IL1RAPL1: variants seen among roughly 807,000 people sequenced by gnomAD.
IL1RAPL1 encodes the protein interleukin 1 receptor accessory protein like 1.
Under a neutral mutation model 48.4 loss-of-function variants are expected in IL1RAPL1, and 3 were observed. That is an observed-to-expected ratio of 0.06 (90% confidence interval 0.03 to 0.16). IL1RAPL1 has a LOEUF of 0.16. Among genes scored for constraint, IL1RAPL1 ranks in the 10% least tolerant of loss-of-function variants. The probability of loss-of-function intolerance (pLI) is 1.00; values close to 1 mark genes in which losing one functional copy is unlikely to be tolerated. For missense variants in IL1RAPL1, 349 were observed against 530.6 expected (o/e 0.66, Z 3.36); for synonymous variants, 185 against 187.7 (o/e 0.99, Z 0.12).
chrX:29,766,360 TATAG>T (rs1221637035), intron 6 of IL1RAPL1, among the ~76,000 whole-genome samples: 1,592 of 72,725 alleles, frequency 0.022, 151 homozygotes, highest in African/African-American at 0.087. Flanking sequence ...TATATATATA[TATAG>T]ATAGATAGAT....
chrX:29,867,365 T>A (rs1043189861), intron 6 of IL1RAPL1, among the ~76,000 whole-genome samples: 1 of 111,476 alleles, frequency 9.0e-6, no homozygotes, highest in African/African-American at 3.3e-5. Flanking sequence ...ACGGGGCCTT[T>A]TGGAGGTGAT....
At chrX:29,371,645 A>G (rs764913163) in intron 3 of IL1RAPL1, among the ~76,000 whole-genome samples, 1 of 111,410 alleles carries the variant, frequency 9.0e-6, no homozygotes, top group African/African-American at 3.3e-5. Flanking sequence ...GTTTATGTCC[A>G]TGAGTGCTCA....
chrX:29,345,071 C>T (rs758940456), intron 3 of IL1RAPL1, among the ~76,000 whole-genome samples: 2 of 112,566 alleles, frequency 1.8e-5, no homozygotes, highest in Non-Finnish European at 3.8e-5. Context: ...TAATCGTTTC[C>T]TTATTGGTAG....
intron 6 of IL1RAPL1, among the ~76,000 whole-genome samples, chrX:29,689,901 AAGAG>A (rs1305429488): frequency 8.9e-6 from 1 of 112,267 alleles, no homozygotes; most frequent in African/African-American, 3.2e-5. Context: ...TTAGGAAAGA[AAGAG>A]AGCCCAATTA....
At chrX:29,795,631 G>A (rs767890683) in intron 6 of IL1RAPL1, among the ~76,000 whole-genome samples, 1 of 112,654 alleles carries the variant, frequency 8.9e-6, no homozygotes, top group Non-Finnish European at 1.9e-5. Flanking sequence ...GGCTGGTCTC[G>A]AACTCCTGGA....
intron 2 of IL1RAPL1, among the ~76,000 whole-genome samples, chrX:29,225,558 T>C (rs1931061356): frequency 8.9e-6 from 1 of 112,148 alleles, no homozygotes; most frequent in Non-Finnish European, 1.9e-5. Flanking sequence ...ACTGTTGTAA[T>C]AGGAGAGAGT....
At chrX:29,720,024 A>G (rs1324188292) in intron 6 of IL1RAPL1, among the ~76,000 whole-genome samples, 1 of 112,184 alleles carries the variant, frequency 8.9e-6, no homozygotes, top group Non-Finnish European at 1.9e-5. Context: ...ATCACTGGTC[A>G]TTAGAGAAAT....
intron 2 of IL1RAPL1, among the ~76,000 whole-genome samples, chrX:28,934,086 ATC>A (rs1923954330): frequency 9.0e-6 from 1 of 110,927 alleles, no homozygotes; most frequent in South Asian, 3.8e-4. Context: ...CAAACCTCCT[ATC>A]TCATCCTGTG....
chrX:29,270,398 A>G (rs931571806), intron 2 of IL1RAPL1, among the ~76,000 whole-genome samples: 1 of 111,896 alleles, frequency 8.9e-6, no homozygotes, highest in Non-Finnish European at 1.9e-5. Context: ...TAAAAGTTTT[A>G]TGGTTTTATG....
intron 5 of IL1RAPL1, among the ~76,000 whole-genome samples, chrX:29,655,822 A>G (rs1925662744): frequency 9.0e-6 from 1 of 111,270 alleles, no homozygotes. Flanking sequence ...AGTTTTAAAT[A>G]AAGTAACGTA....
intron 5 of IL1RAPL1, among the ~76,000 whole-genome samples, chrX:29,496,149 C>T: frequency 9.0e-6 from 1 of 111,697 alleles, no homozygotes; most frequent in East Asian, 2.8e-4. Flanking sequence ...TCTAAATTTA[C>T]CTTTCACCTA....
chrX:29,819,687 GA>G (rs1043719925), intron 6 of IL1RAPL1, among the ~76,000 whole-genome samples: 3 of 108,229 alleles, frequency 2.8e-5, no homozygotes, highest in Admixed American at 1.0e-4. Context: ...TTTCCGAAAT[GA>G]AAAAAAAGCC....
intron 2 of IL1RAPL1, among the ~76,000 whole-genome samples, chrX:29,274,375 A>G (rs976576514): frequency 1.8e-5 from 2 of 111,195 alleles, no homozygotes; most frequent in African/African-American, 6.7e-5. Flanking sequence ...TAGACTTGGC[A>G]TCACTTAAAA....
intron 5 of IL1RAPL1, among the ~76,000 whole-genome samples, chrX:29,602,845 G>C (rs749892469): frequency 1.8e-5 from 2 of 112,643 alleles, no homozygotes; most frequent in Non-Finnish European, 3.7e-5. Flanking sequence ...ATTAAAAGTA[G>C]ATGCTACTTA....
chrX:29,470,397 A>G (rs1934908079), intron 5 of IL1RAPL1, among the ~76,000 whole-genome samples: 1 of 111,076 alleles, frequency 9.0e-6, no homozygotes, highest in Non-Finnish European at 1.9e-5. Context: ...AAAAGTAAAT[A>G]ATAATAATCA....
chrX:28,698,138 G>GA (rs1935255822), intron 1 of IL1RAPL1, among the ~76,000 whole-genome samples: 1 of 111,498 alleles, frequency 9.0e-6, no homozygotes, highest in South Asian at 3.7e-4. Flanking sequence ...TGGATAGACT[G>GA]AACTCAGCCA....
chrX:29,570,695 A>G (rs1439550244), intron 5 of IL1RAPL1, among the ~76,000 whole-genome samples: 4 of 112,088 alleles, frequency 3.6e-5, no homozygotes, highest in African/African-American at 9.7e-5. Flanking sequence ...GCATAGATGC[A>G]TATCACAGAG....
intron 2 of IL1RAPL1, among the ~76,000 whole-genome samples, chrX:29,069,230 A>G (rs1427869278): frequency 8.9e-6 from 1 of 112,036 alleles, no homozygotes; most frequent in African/African-American, 3.2e-5. Flanking sequence ...TGAAGTGCAT[A>G]GTGAAATGTT....
At chrX:29,676,932 G>T (rs914836216) in intron 6 of IL1RAPL1, among the ~76,000 whole-genome samples, 2 of 111,945 alleles carry the variant, frequency 1.8e-5, no homozygotes, top group African/African-American at 6.5e-5. Context: ...AGTCAGTATT[G>T]TATGTTAACA....
Sources: gnomAD v4.1 joint callset for allele counts (sites outside exome capture counted in the v4.1 genomes callset) on GRCh38, gnomAD v4.1.1 for gene constraint, MANE v1.5 for transcripts, NCBI Gene and HGNC (gene_info 2026-07-23, HGNC 2026-07-21) for gene names.